Variants in MCF2L observed in about 807,000 individuals in gnomAD.
The protein encoded by MCF2L is guanine nucleotide exchange factor DBS.
A neutral mutation model predicts 153.4 loss-of-function variants in MCF2L; 97 were observed. That is an observed-to-expected ratio of 0.63 (90% CI 0.54 to 0.75). The LOEUF (loss-of-function observed/expected upper bound fraction) is 0.75, where lower values mean the gene tolerates loss of function less well. MCF2L is among the 30% of genes least tolerant of loss of function. The pLI is 0.00. For synonymous variants in MCF2L, 659 were observed against 632.2 expected (o/e 1.04, Z -0.64); for missense variants, 1,347 against 1,495.2 (o/e 0.90, Z 1.64).
In MCF2L at chr13:113,010,778, C is replaced by G. The variant is rs145668473; in HGVS notation, c.80-3985C>G. On this transcript the variant is annotated intron_variant, in intron 1 of 29. Coordinates refer to ENST00000535094, the MANE Select transcript of MCF2L (RefSeq NM_001112732.3). ...GTTGGAGCAGGGCTCAGTGAGGGAG[C>G]TGGGCCTGGCCTGGCCTTGGGTGGC... Among the ~76,000 whole-genome samples the G allele has an allele frequency of 2.2e-3, 330 of 152,192 alleles. 1 individual carries two copies. The highest frequency in any genetic ancestry group is 7.8e-3 in the African/African-American group (325 of 41,444).
In MCF2L at chr13:113,090,409, C is replaced by T. The variant is rs1293019836; in HGVS notation, c.2953+681C>T. The T allele has an allele frequency of 3.0e-6, 3 of 985,320 alleles. No individual in the cohort carries two copies. In the African/African-American group the frequency reaches 5.2e-5, roughly 17 times the overall value. 61.0% of individuals were successfully genotyped at this position (985,320 alleles called of 1,614,324 possible). On this transcript the variant is annotated intron_variant, in intron 26 of 29. Transcript: ENST00000535094. ...TGCTCAGAAACGGAGCTGTCCTTGG[C>T]TTTCCAGGCCCCCTCCTTCCTCTCC... is the stretch of plus-strand genomic sequence containing the variant.
chr13:113,045,218 C>A lies in MCF2L; in HGVS notation c.279-53C>A. 7.1e-7 allele frequency: 1 copy of A among 1,408,306 alleles called. No individual in the cohort carries two copies. The highest frequency in any genetic ancestry group is 1.0e-6 in the Non-Finnish European group (1 of 992,856). The allele number at this position is 1,408,306 out of a possible 1,614,324, so 87.2% of individuals were successfully genotyped here. A position where few individuals can be genotyped will look rare whatever the true frequency, so the allele number is the denominator to read the frequency against. ...GAGGTTTTCTGAGGGATTTCGTGGG[C>A]AGCCGGCTTCCCACCTGCACACATT... On this transcript the variant is annotated intron_variant, in intron 3 of 29. Transcript: ENST00000535094. The surrounding 1 kb of genome is among the most constrained non-coding windows in gnomAD (Gnocchi z 4.2).
intron 5 of MCF2L, among the ~76,000 whole-genome samples, chr13:113,062,057 G>A (rs1028273174): frequency 2.0e-5 from 3 of 150,508 alleles, no homozygotes; most frequent in Non-Finnish European, 4.4e-5. Context: ...GGGGCTCTGT[G>A]CCATCGTGCT....
intron 3 of MCF2L, among the ~76,000 whole-genome samples, chr13:113,036,695 C>T (rs1594779687): frequency 6.7e-6 from 1 of 149,262 alleles, no homozygotes; most frequent in Admixed American, 6.6e-5. Flanking sequence ...TCTGAGCTCG[C>T]GCCTTTCTTC....
chr13:112,905,761 C>T (rs2081166659), intron 2 of MCF2L, among the ~76,000 whole-genome samples: 1 of 152,314 alleles, frequency 6.6e-6, no homozygotes, highest in Non-Finnish European at 1.5e-5. Context: ...TGTGGGTGGA[C>T]CACATTTGTT....
chr13:112,924,518 C>T (rs1474507892), intron 2 of MCF2L, among the ~76,000 whole-genome samples: 2 of 152,092 alleles, frequency 1.3e-5, no homozygotes, highest in Non-Finnish European at 2.9e-5. Context: ...AAATAAAGTA[C>T]CTCTGTTTTT....
chr13:113,062,612 C>T (rs2141800617), intron 5 of MCF2L, among the ~76,000 whole-genome samples: 1 of 152,200 alleles, frequency 6.6e-6, no homozygotes, highest in South Asian at 2.1e-4. Flanking sequence ...TCTTCAAACT[C>T]ACAGCCCCAC....
rs1687992911 is a variant in MCF2L, at chr13:112,913,881, A to G, written c.169+11510A>G. Among the ~76,000 whole-genome samples the G allele has an allele frequency of 1.3e-5, 2 of 152,190 alleles. 1 individual carries two copies. Among genetic ancestry groups the G allele is most frequent in the African/African-American group, 4.8e-5 (2 of 41,454 alleles). ...AACAGCTCTGTCTTCTCAGCACTGC[A>G]GACTCTTTCTCGCTCACTTGACAGG... On this transcript the variant is annotated intron_variant, in intron 2 of 29. Transcript: ENST00000375608.
intron 1 of MCF2L, among the ~76,000 whole-genome samples, chr13:112,985,759 A>C (rs1277985889): frequency 6.6e-6 from 1 of 152,230 alleles, no homozygotes; most frequent in African/African-American, 2.4e-5. Flanking sequence ...CAAACTGTGC[A>C]AACAGCTGGG....
Position 113,028,658 on chromosome 13 carries a change from T to C in MCF2L, c.278+3900T>C, listed in dbSNP as rs1470887790. Among the ~76,000 whole-genome samples, 2 of 152,186 alleles carry C rather than the reference T, an allele frequency of 1.3e-5. No homozygotes were observed. The highest frequency in any genetic ancestry group is 2.9e-5 in the Non-Finnish European group (2 of 68,032). On this transcript the variant is annotated intron_variant, in intron 3 of 29. Coordinates refer to ENST00000535094, the MANE Select transcript of MCF2L (RefSeq NM_001112732.3). The surrounding 1 kb of genome is among the most constrained non-coding windows in gnomAD (Gnocchi z 5.4). ...AGGTTTTCTGGTCACACTTAGATAA[T>C]AAAAAGTGGAAGAGGCCTTTCTATC...
intron 1 of MCF2L, chr13:112,979,406 C>A: frequency 7.2e-7 from 1 of 1,385,008 alleles, no homozygotes; most frequent in South Asian, 1.6e-5. Flanking sequence ...GCAGTGGTGG[C>A]TCGGGCCAGG....
intron 3 of MCF2L, among the ~76,000 whole-genome samples, chr13:113,033,712 G>GC (rs2085949040): frequency 6.6e-6 from 1 of 152,160 alleles, no homozygotes; most frequent in Non-Finnish European, 1.5e-5. Context: ...GGCTGTGCTG[G>GC]CCCCGGTCGC....
chr13:112,992,344 T>G (rs922379820), intron 1 of MCF2L, among the ~76,000 whole-genome samples: 1 of 152,216 alleles, frequency 6.6e-6, no homozygotes, highest in Admixed American at 6.5e-5. Context: ...TGGGAGCCAA[T>G]GGATGTATAC....
At chr13:112,919,440 C>T (rs998325563) in intron 2 of MCF2L, among the ~76,000 whole-genome samples, 6 of 152,018 alleles carry the variant, frequency 3.9e-5, no homozygotes, top group East Asian at 1.9e-4. Flanking sequence ...CTCCTGACCT[C>T]GTGATCCGCC....
intron 3 of MCF2L, among the ~76,000 whole-genome samples, chr13:113,034,468 A>G (rs921088025): frequency 1.3e-5 from 2 of 152,090 alleles, no homozygotes; most frequent in African/African-American, 2.4e-5. Flanking sequence ...CACATGACCA[A>G]TGGCTGCTTA....
At chr13:113,017,748 T>C (rs909028280) in intron 2 of MCF2L, among the ~76,000 whole-genome samples, 1 of 152,126 alleles carries the variant, frequency 6.6e-6, no homozygotes, top group African/African-American at 2.4e-5. Flanking sequence ...CTGACCACCA[T>C]GGGGCTGGGG....
chr13:112,908,291 A>T (rs2993325), intron 2 of MCF2L, among the ~76,000 whole-genome samples: 124,819 of 152,100 alleles, frequency 0.82, 51,486 homozygotes, highest in East Asian at 0.91. Context: ...TGCACAGGGG[A>T]CCTCTGGTCT....
chr13:112,926,439 TA>T (rs1378143384), intron 2 of MCF2L, among the ~76,000 whole-genome samples: 2 of 152,002 alleles, frequency 1.3e-5, no homozygotes, highest in Non-Finnish European at 2.9e-5. Flanking sequence ...CTGGTTTCTA[TA>T]CACAGCGGAG....
rs371522063 is a variant in MCF2L at position 113,053,159 on chromosome 13, C to T, written c.370-7434C>T. 9.4e-4 allele frequency among the ~76,000 whole-genome samples: 143 copies of T among 152,318 alleles called. No individual in the cohort carries two copies. The highest frequency in any genetic ancestry group is 3.3e-3 in the African/African-American group (136 of 41,574). ...CATAACCACAGGCGAGTCTGCATCG[C>T]GGCCACACTGCCCTCTGGATGCCCA... On this transcript the variant is annotated intron_variant, in intron 4 of 29. Transcript: ENST00000535094. This position sits in a 1 kb window ranked among gnomAD's most constrained non-coding sequence, Gnocchi z 4.4.
Sources: gnomAD v4.1 joint callset for allele counts (sites outside exome capture counted in the v4.1 genomes callset) on GRCh38, gnomAD v4.1.1 for gene constraint, Gnocchi (gnomAD v3.1) non-coding constraint, MANE v1.5 for transcripts, NCBI Gene and HGNC (gene_info 2026-07-23, HGNC 2026-07-21) for gene names.